The following TENM2 variants were observed in gnomAD, a reference collection of about 807,000 sequenced individuals.
The protein encoded by TENM2 is teneurin-2.
In TENM2, 52 loss-of-function variants were observed where a neutral mutation model predicts 245.2. That is an observed-to-expected ratio of 0.21 (90% CI 0.17 to 0.27). The LOEUF (loss-of-function observed/expected upper bound fraction) is 0.27. Among genes scored for constraint, TENM2 ranks in the 10% least tolerant of loss-of-function variants. The probability of loss-of-function intolerance (pLI) is 1.00; values close to 1 mark genes in which losing one functional copy is unlikely to be tolerated. For synonymous variants in TENM2, 1,363 were observed against 1,438.9 expected, an observed-to-expected ratio of 0.95 and a Z score of 1.19; for missense variants, 3,046 against 3,666.8, an observed-to-expected ratio of 0.83 and a Z score of 4.37.
intron 5 of TENM2, among the ~76,000 whole-genome samples, chr5:168,039,367 A>G (rs1205563648): frequency 6.6e-6 from 1 of 152,076 alleles, no homozygotes; most frequent in Non-Finnish European, 1.5e-5. Context: ...ACAAGCTCGG[A>G]GGGGAGAAAG....
chr5:168,226,062 T>G (rs1562303784), intron 23 of TENM2, 26 bp from the exon 26 acceptor site: 2 of 1,600,486 alleles, frequency 1.2e-6, no homozygotes, highest in Non-Finnish European at 1.7e-6. Flanking sequence ...TAACCAGGGT[T>G]TATCTATCTA....
chr5:167,652,006 A>G (rs991864303), intron 2 of TENM2, among the ~76,000 whole-genome samples: 18 of 152,268 alleles, frequency 1.2e-4, no homozygotes, highest in African/African-American at 3.8e-4. Flanking sequence ...CTTAATTTCT[A>G]CAGCTGTGAC....
chr5:167,840,754 G>A (rs773069968), intron 2 of TENM2, among the ~76,000 whole-genome samples: 2 of 152,110 alleles, frequency 1.3e-5, no homozygotes, highest in East Asian at 1.9e-4. Flanking sequence ...GGACCACCTC[G>A]AGATAAGATA....
intron 6 of TENM2, among the ~76,000 whole-genome samples, chr5:168,054,578 T>A (rs1031215361): frequency 1.3e-5 from 2 of 152,244 alleles, no homozygotes; most frequent in Admixed American, 1.3e-4. Context: ...TGAGGCTTCA[T>A]TTCCCTGGTA....
chr5:167,794,104 A>C (rs962807383), intron 2 of TENM2, among the ~76,000 whole-genome samples: 1 of 152,050 alleles, frequency 6.6e-6, no homozygotes, highest in Non-Finnish European at 1.5e-5. Context: ...TTCTATTTCT[A>C]TCCACCTATT....
intron 2 of TENM2, among the ~76,000 whole-genome samples, chr5:167,508,829 T>C (rs1769732714): frequency 6.6e-6 from 1 of 152,180 alleles, no homozygotes; most frequent in Admixed American, 6.5e-5. Flanking sequence ...TCTTTTAATA[T>C]ACATTTTTTG....
intron 2 of TENM2, among the ~76,000 whole-genome samples, chr5:167,384,660 G>A (rs1302014403): frequency 6.6e-6 from 1 of 152,072 alleles, no homozygotes; most frequent in African/African-American, 2.4e-5. Context: ...ATCTTAGGAA[G>A]CATCTGATTA....
At chr5:168,000,922 T>C (rs1581016841) in intron 5 of TENM2, among the ~76,000 whole-genome samples, 1 of 148,400 alleles carries the variant, frequency 6.7e-6, no homozygotes, top group Middle Eastern at 3.4e-3. Flanking sequence ...ATGGTGATCA[T>C]TGTACTAGCC....
chr5:167,876,674 A>G (rs1407934809), intron 3 of TENM2, among the ~76,000 whole-genome samples: 1 of 152,010 alleles, frequency 6.6e-6, no homozygotes, highest in African/African-American at 2.4e-5. Context: ...ATGATTTTGA[A>G]ATTACAATGT....
chr5:167,169,635 T>A, the TENM2 span, among the ~76,000 whole-genome samples: 178 of 152,342 alleles, frequency 1.2e-3, no homozygotes, highest in African/African-American at 4.2e-3. Context: ...ACTCAATAAA[T>A]AGTCTCTGTG....
chr5:168,254,547 AAAGT>A (rs1405304414), intron 27 of TENM2, among the ~76,000 whole-genome samples: 4 of 152,110 alleles, frequency 2.6e-5, no homozygotes, highest in Non-Finnish European at 4.4e-5. Flanking sequence ...AATAGAAAGA[AAAGT>A]AAGAGGAAGG....
At chr5:167,687,587 G>A (rs570688813) in intron 2 of TENM2, among the ~76,000 whole-genome samples, 15 of 152,266 alleles carry the variant, frequency 9.9e-5, no homozygotes, top group Admixed American at 5.9e-4. Context: ...TAGCATTGAC[G>A]TTGAGAGTTC....
intron 2 of TENM2, among the ~76,000 whole-genome samples, chr5:167,514,521 A>C (rs1044172042): frequency 6.6e-6 from 1 of 152,216 alleles, no homozygotes; most frequent in South Asian, 2.1e-4. Context: ...GATCCTCATA[A>C]AAATAAATGA....
chr5:167,811,309 G>T (rs374586052), intron 2 of TENM2, among the ~76,000 whole-genome samples: 66 of 152,196 alleles, frequency 4.3e-4, no homozygotes, highest in African/African-American at 1.6e-3. Flanking sequence ...ATCCCTCATG[G>T]CTTGGTGCTG....
At chr5:168,012,323 G>A (rs1035280136) in intron 5 of TENM2, among the ~76,000 whole-genome samples, 1 of 152,076 alleles carries the variant, frequency 6.6e-6, no homozygotes, top group Non-Finnish European at 1.5e-5. Flanking sequence ...TGAAGGAATT[G>A]GGAGATAAAA....
At chr5:167,107,685 C>G in the TENM2 span, among the ~76,000 whole-genome samples, 1 of 152,260 alleles carries the variant, frequency 6.6e-6, no homozygotes, top group East Asian at 1.9e-4. Context: ...TCAGTTAAAT[C>G]AAAAAGTTTG....
intron 5 of TENM2, among the ~76,000 whole-genome samples, chr5:168,036,883 T>C (rs1279806535): frequency 6.6e-6 from 1 of 151,762 alleles, no homozygotes; most frequent in Admixed American, 6.6e-5. Context: ...TAGCTTACAT[T>C]CCAAAAAGAA....
At chr5:167,665,150 C>A (rs1197637412) in intron 2 of TENM2, among the ~76,000 whole-genome samples, 1 of 152,290 alleles carries the variant, frequency 6.6e-6, no homozygotes, top group South Asian at 2.1e-4. Flanking sequence ...ATCTTTTACT[C>A]TTCTGAATCT....
Position 168,095,968 on chromosome 5 carries a change from A to C in TENM2, c.1712-2058A>C, listed in dbSNP as rs185251009. On this transcript the variant is annotated intron_variant, in intron 8 of 28. Transcript: ENST00000518659. ...CCCTCAGGTCGGGTGATGCCAGTGC[A>C]TATGTCATGGGTTGCACTGCAGGAG... Among the ~76,000 whole-genome samples, 32 of 152,284 alleles carry C rather than the reference A, an allele frequency of 2.1e-4. No homozygotes were observed. The East Asian group carries it at 5.6e-3, about 27-fold the overall frequency.
Sources: gnomAD v4.1 joint callset for allele counts (sites outside exome capture counted in the v4.1 genomes callset) on GRCh38, gnomAD v4.1.1 for gene constraint, MANE v1.5 for transcripts, NCBI Gene and HGNC (gene_info 2026-07-23, HGNC 2026-07-21) for gene names.